NCKAP5: variants seen among roughly 807,000 people sequenced by gnomAD.
The protein encoded by NCKAP5 is nck-associated protein 5.
NCKAP5 carries 92 observed loss-of-function variants against 167.0 expected under a neutral mutation model. That is an observed-to-expected ratio of 0.55 (90% CI 0.47 to 0.66). NCKAP5 has a LOEUF of 0.66. Among genes scored for constraint, NCKAP5 ranks in the 30% least tolerant of loss-of-function variants. NCKAP5 has a pLI of 0.00. For missense variants in NCKAP5, 2,378 were observed against 2,315.0 expected (o/e 1.03, Z -0.56); for synonymous variants, 891 against 877.4 (o/e 1.02, Z -0.27).
At chr2:132,869,833 G>T (rs1224922399) in intron 9 of NCKAP5, among the ~76,000 whole-genome samples, 1 of 152,178 alleles carries the variant, frequency 6.6e-6, no homozygotes, top group African/African-American at 2.4e-5. Flanking sequence ...ACAGAGAAAA[G>T]CTTGGTCCTG....
chr2:132,843,312 T>C (rs1688428615), intron 11 of NCKAP5, among the ~76,000 whole-genome samples: 1 of 152,136 alleles, frequency 6.6e-6, no homozygotes, highest in African/African-American at 2.4e-5. Flanking sequence ...TTTTCTATAA[T>C]AGTATTGTTT....
chr2:132,925,733 G>C (rs538292084), intron 8 of NCKAP5, among the ~76,000 whole-genome samples: 1 of 152,146 alleles, frequency 6.6e-6, no homozygotes, highest in East Asian at 1.9e-4. Context: ...GGGGGTTGGG[G>C]ACCCCTGTTT....
the NCKAP5 span, among the ~76,000 whole-genome samples, chr2:133,584,200 A>T: frequency 6.6e-6 from 1 of 152,344 alleles, no homozygotes; most frequent in African/African-American, 2.4e-5. Context: ...AGTCTCACAC[A>T]TGCACACACA....
chr2:133,578,658 G>A, the NCKAP5 span, among the ~76,000 whole-genome samples: 3 of 152,270 alleles, frequency 2.0e-5, no homozygotes, highest in East Asian at 1.9e-4. Context: ...CCCAATGCAC[G>A]TCTCCTATGT....
intron 6 of NCKAP5, among the ~76,000 whole-genome samples, chr2:133,038,845 G>C (rs1312854775): frequency 6.6e-6 from 1 of 152,142 alleles, no homozygotes; most frequent in East Asian, 1.9e-4. Context: ...GTAGGTAATA[G>C]TCACAGGTTC....
intron 4 of NCKAP5, among the ~76,000 whole-genome samples, chr2:133,253,520 C>A (rs912227179): frequency 2.0e-5 from 3 of 152,180 alleles, no homozygotes; most frequent in Admixed American, 2.0e-4. Context: ...CCAAGGCTTC[C>A]TTTCAATGCC....
chr2:133,246,087 T>C (rs1051413095), intron 4 of NCKAP5, among the ~76,000 whole-genome samples: 1 of 152,044 alleles, frequency 6.6e-6, no homozygotes, highest in African/African-American at 2.4e-5. Flanking sequence ...AGTGGAAACA[T>C]GCATAGCATC....
At position 132,868,778 on chromosome 2, in the gene NCKAP5, T is replaced by C. The variant is rs183593385; in HGVS notation, c.687+158A>G. Among the ~76,000 whole-genome samples the C allele has an allele frequency of 3.9e-5, 6 of 152,326 alleles. No homozygotes were observed. In the South Asian group the frequency reaches 1.0e-3, roughly 26 times the overall value. ...TATTACAAATTCTATTGGTCACTGA[T>C]GTTACTTCATATGCCATGTAAAACA... On this transcript the variant is annotated intron_variant, in intron 10 of 19. Transcript: ENST00000409261.
At chr2:132,698,856 CA>C (rs1294093439) in intron 19 of NCKAP5, among the ~76,000 whole-genome samples, 37 of 146,790 alleles carry the variant, frequency 2.5e-4, no homozygotes, top group South Asian at 6.5e-4. Flanking sequence ...AACAAACAAA[CA>C]AAAAAAAAAG....
At chr2:132,865,215 G>A (rs1295364941) in intron 10 of NCKAP5, among the ~76,000 whole-genome samples, 1 of 152,160 alleles carries the variant, frequency 6.6e-6, no homozygotes, top group Non-Finnish European at 1.5e-5. Context: ...CAAGACAGGT[G>A]ACATAAAAGT....
chr2:133,571,607 TTTA>T (rs1197464516), upstream of NCKAP5, among the ~76,000 whole-genome samples: 6 of 152,192 alleles, frequency 3.9e-5, no homozygotes, highest in African/African-American at 1.4e-4. Flanking sequence ...TGCTGGTCAT[TTTA>T]TTATGTTAAT....
chr2:133,482,727 T>C (rs1680559907), intron 3 of NCKAP5, among the ~76,000 whole-genome samples: 2 of 152,212 alleles, frequency 1.3e-5, no homozygotes, highest in South Asian at 4.1e-4. Context: ...ATACTGTTTT[T>C]CATGGTGGCT....
At chr2:132,817,408 A>G (rs1298654792) in intron 11 of NCKAP5, among the ~76,000 whole-genome samples, 2 of 152,026 alleles carry the variant, frequency 1.3e-5, no homozygotes, top group Non-Finnish European at 2.9e-5. Flanking sequence ...ACGTAATGGG[A>G]CAAGCTAAAT....
intron 15 of NCKAP5, 85 bp from the exon 16 acceptor site, chr2:132,773,979 A>G (rs890818725): frequency 1.1e-4 from 119 of 1,117,162 alleles, no homozygotes; most frequent in Non-Finnish European, 1.5e-4. Flanking sequence ...GGTACATTCT[A>G]TAACAAATAT....
chr2:133,243,654 G>A (rs1324772627), intron 4 of NCKAP5, among the ~76,000 whole-genome samples: 1 of 152,214 alleles, frequency 6.6e-6, no homozygotes, highest in African/African-American at 2.4e-5. Context: ...GTATTTGCAA[G>A]CTGAAGCTAT....
At chr2:132,897,460 T>C (rs1305979710) in intron 8 of NCKAP5, among the ~76,000 whole-genome samples, 1 of 152,246 alleles carries the variant, frequency 6.6e-6, no homozygotes, top group East Asian at 1.9e-4. Flanking sequence ...TTGAGTGTAT[T>C]TAACATACCT....
intron 2 of NCKAP5, among the ~76,000 whole-genome samples, chr2:133,546,952 T>A (rs961866541): frequency 2.0e-5 from 3 of 152,094 alleles, no homozygotes; most frequent in African/African-American, 7.2e-5. Flanking sequence ...ATTTCTGCAT[T>A]TCCATCTGAG....
chr2:132,967,535 T>A (rs1394528624), intron 7 of NCKAP5, among the ~76,000 whole-genome samples: 13 of 152,148 alleles, frequency 8.5e-5, no homozygotes, highest in Non-Finnish European at 5.9e-5. Context: ...TCAGTTTGAT[T>A]ATAATAGAGA....
chr2:133,080,330 T>C (rs1406716686), intron 6 of NCKAP5, among the ~76,000 whole-genome samples: 1 of 152,190 alleles, frequency 6.6e-6, no homozygotes, highest in Non-Finnish European at 1.5e-5. Flanking sequence ...TTCCTTGAAC[T>C]GGTGAACATC....
Sources: gnomAD v4.1 joint callset for allele counts (sites outside exome capture counted in the v4.1 genomes callset) on GRCh38, gnomAD v4.1.1 for gene constraint, MANE v1.5 for transcripts, NCBI Gene and HGNC (gene_info 2026-07-23, HGNC 2026-07-21) for gene names.